The following TRAPPC8 variants were observed in gnomAD, a reference collection of about 807,000 sequenced individuals.
The protein encoded by TRAPPC8 is trafficking protein particle complex subunit 8.
In TRAPPC8, 54 loss-of-function variants were observed where a neutral mutation model predicts 174.3. That is an observed-to-expected ratio of 0.31 (90% CI 0.25 to 0.39). The LOEUF (loss-of-function observed/expected upper bound fraction) is 0.39. TRAPPC8 is among the 10% of genes least tolerant of loss of function. The pLI, the probability that TRAPPC8 is intolerant of heterozygous loss-of-function variation, is 1.00. For missense variants in TRAPPC8, 1,531 were observed against 1,699.1 expected, an observed-to-expected ratio of 0.90 and a Z score of 1.74; for synonymous variants, 630 against 579.9, an observed-to-expected ratio of 1.09 and a Z score of -1.24.
intron 3 of TRAPPC8, 86 bp from the exon 4 acceptor site, chr18:31,916,532 T>G: frequency 7.8e-7 from 1 of 1,286,040 alleles, no homozygotes; most frequent in South Asian, 1.7e-5. Flanking sequence ...GGTTTTTGTT[T>G]GTTTGTTTGT....
chr18:31,856,801 T>C (rs1273134160), intron 20 of TRAPPC8, among the ~76,000 whole-genome samples: 1 of 146,522 alleles, frequency 6.8e-6, no homozygotes, highest in African/African-American at 2.6e-5. Context: ...ATTCAAATGC[T>C]AAAATCTTTT....
At chr18:31,864,865 G>T in intron 18 of TRAPPC8, 84 bp from the exon 19 acceptor site, 4 of 1,193,086 alleles carry the variant, frequency 3.4e-6, no homozygotes, top group Non-Finnish European at 3.4e-6. Context: ...AATATTGTAA[G>T]TTTCAGATTA....
Position 31,891,430 on chromosome 18 carries a change from G to A in TRAPPC8, c.1597-564C>T, listed in dbSNP as rs202105758. 3.5e-3 allele frequency among the ~76,000 whole-genome samples: 531 copies of A among 152,202 alleles called. 2 individuals carry two copies. Among genetic ancestry groups the A allele is most frequent in the Non-Finnish European group, 5.8e-3 (392 of 67,988 alleles). On this transcript the variant is annotated intron_variant, in intron 11 of 28. Transcript: ENST00000283351. ...TGCATTTCATTAAAAAGTTCACAATGCTTCTACTTCAAAGATTTTCTTTTC... is the reference window on the plus strand; with the variant it reads ...TGCATTTCATTAAAAAGTTCACAATACTTCTACTTCAAAGATTTTCTTTTC...
intron 19 of TRAPPC8, among the ~76,000 whole-genome samples, chr18:31,861,314 A>G (rs1394901284): frequency 3.9e-5 from 6 of 152,338 alleles, no homozygotes; most frequent in African/African-American, 9.6e-5. Context: ...AACTGCCTCT[A>G]TAACAAAATT....
chr18:31,940,473 C>CAA (rs1483693701), intron 1 of TRAPPC8, among the ~76,000 whole-genome samples: 1 of 151,756 alleles, frequency 6.6e-6, no homozygotes, highest in Non-Finnish European at 1.5e-5. Flanking sequence ...CTCCAAAAAA[C>CAA]AAAAAACAAA....
intron 1 of TRAPPC8, chr18:31,937,498 G>A (rs1273768818): frequency 1.3e-5 from 2 of 151,670 alleles, no homozygotes; most frequent in African/African-American, 4.8e-5. Flanking sequence ...AGACCAGCCT[G>A]GGCAACAGAG....
rs1301481544 is a variant in TRAPPC8 at position 31,870,967 on chromosome 18, C to A, written c.2216G>T (p.Ser739Ile). ...NFHPTQYCLN[S>I]YSDNSRFPLA... ...TGGAAATCTTGAATTATCTGAGTAACTGTTCAAACAGTATTGTGTGGGATG... is the reference window on the plus strand; with the variant it reads ...TGGAAATCTTGAATTATCTGAGTAAATGTTCAAACAGTATTGTGTGGGATG... The change falls in exon 15 of 29, where the codon AGT becomes ATT. Residue 739 changes from serine to isoleucine, a missense_variant. Ser to Ile is a moderately radical substitution (Grantham distance 142). Transcript: ENST00000283351. 6.3e-7 allele frequency: 1 copy of A among 1,598,248 alleles called. No individual in the cohort carries two copies. Among genetic ancestry groups the A allele is most frequent in the Non-Finnish European group, 8.5e-7 (1 of 1,172,160 alleles).
rs1250520521 is a variant in TRAPPC8, at chr18:31,839,365, A to C, written c.3930T>G (p.Ile1310Met). The change falls in exon 27 of 29, where the codon ATT (isoleucine) becomes ATG (methionine). Residue 1310 changes from isoleucine to methionine, a missense_variant. By Grantham distance (10) the Ile-to-Met change is conservative. Transcript: ENST00000283351. The part of the protein sequence containing the change: ...RPSVEQLSSL[I>M]KTSLHYPESF... Reference sequence around the variant, plus strand: ...ATTCTGGGTAGTGAAGACTCGTTTTAATGAGACTAGAAAGCTGCTCTACTG... The same window carrying C: ...ATTCTGGGTAGTGAAGACTCGTTTTCATGAGACTAGAAAGCTGCTCTACTG... 4 of 1,612,102 alleles carry C rather than the reference A, an allele frequency of 2.5e-6. No individual in the cohort carries two copies.
At chr18:31,833,115 G>A (rs1477065794) in intron 27 of TRAPPC8, among the ~76,000 whole-genome samples, 1 of 152,170 alleles carries the variant, frequency 6.6e-6, no homozygotes, top group Non-Finnish European at 1.5e-5. Context: ...AACTTCTCAT[G>A]TGGCAAGAAG....
At position 31,829,934 on chromosome 18, in the gene TRAPPC8, A is replaced by G. The variant is rs1425273862; in HGVS notation, c.*821T>C. On this transcript the variant is annotated 3_prime_UTR_variant, in exon 29 of 29. Transcript: ENST00000283351. The stretch of plus-strand genomic sequence containing the variant: ...GACTTTCTAATCAACAGATACTAAT[A>G]CGCTATACAGTGAATAGCATGTCTT... 6.6e-6 allele frequency: 1 copy of G among 152,650 alleles called. No homozygotes were observed. The highest frequency in any genetic ancestry group is 1.5e-5 in the Non-Finnish European group (1 of 68,042). 9.5% of individuals were successfully genotyped at this position (152,650 alleles called of 1,614,324 possible).
chr18:31,873,237 T>C (rs1298141757), intron 14 of TRAPPC8, among the ~76,000 whole-genome samples, 193 bp downstream of exon 14: 1 of 152,044 alleles, frequency 6.6e-6, no homozygotes, highest in African/African-American at 2.4e-5. Context: ...CAGGATGGTC[T>C]CGATCTCCTG....
chr18:31,863,301 G>T (rs754835297), intron 19 of TRAPPC8, among the ~76,000 whole-genome samples: 9 of 152,072 alleles, frequency 5.9e-5, no homozygotes, highest in Admixed American at 2.0e-4. Context: ...TTTGCTGAAG[G>T]TTATTTTGTA....
intron 1 of TRAPPC8, among the ~76,000 whole-genome samples, chr18:31,934,074 G>A (rs971667883): frequency 1.1e-4 from 17 of 151,964 alleles, no homozygotes; most frequent in Non-Finnish European, 2.2e-4. Context: ...TGTATTCCCA[G>A]CTATTTGGAA....
chr18:31,913,835 C>A (rs2037018571), intron 4 of TRAPPC8, among the ~76,000 whole-genome samples: 3 of 152,046 alleles, frequency 2.0e-5, no homozygotes, highest in South Asian at 4.1e-4. Flanking sequence ...AAAGAGAGAG[C>A]TCTGGTGGTC....
At chr18:31,920,737 C>T (rs1273007887) in intron 2 of TRAPPC8, among the ~76,000 whole-genome samples, 9 of 151,810 alleles carry the variant, frequency 5.9e-5, no homozygotes, top group Non-Finnish European at 8.8e-5. Flanking sequence ...GTCAGGAGTT[C>T]GAAATCAGCC....
chr18:31,889,021 T>C (rs1347771571), intron 12 of TRAPPC8, among the ~76,000 whole-genome samples: 2 of 152,204 alleles, frequency 1.3e-5, no homozygotes, highest in Non-Finnish European at 2.9e-5. Context: ...GAAGAGACTG[T>C]TCTTGATGAA....
chr18:31,891,008 G>A (rs761913933), intron 11 of TRAPPC8, 142 bp from the exon 12 acceptor site: 1 of 611,358 alleles, frequency 1.6e-6, no homozygotes, highest in Non-Finnish European at 2.4e-6. Context: ...AGATCAAGGG[G>A]AAAACCAATC....
In TRAPPC8 at chr18:31,839,436, A is replaced by G. The variant is rs770833911; in HGVS notation, c.3859T>C (p.Leu1287=). 1.2e-5 allele frequency: 20 copies of G among 1,602,724 alleles called. No homozygotes were observed. The highest frequency in any genetic ancestry group is 5.4e-5 in the African/African-American group (4 of 74,384). Residue 1287 remains leucine, a synonymous_variant, in exon 27 of 29, where the codon TTG becomes CTG. Transcript: ENST00000283351. The part of the protein sequence containing the change: ...QKQEPPEMEL[L]KFFRPENITV... ...ATGTTTTCTGGCCTGAAAAATTTCA[A>G]TAGTTCCATTTCTGGTGGCTCCTGA...
Position 31,866,085 on chromosome 18 carries a change from T to A in TRAPPC8, c.2590+764A>T, listed in dbSNP as rs116928642. Among the ~76,000 whole-genome samples, 145 of 152,188 alleles carry A rather than the reference T, an allele frequency of 9.5e-4. 2 individuals are homozygous for A. In the East Asian group the frequency reaches 0.022, roughly 23 times the overall value. On this transcript the variant is annotated intron_variant, in intron 18 of 28. Transcript: ENST00000283351. ...GTTCCCACTTTCTCAATGTTAATAA[T>A]CAGCTTTTGTAAATGCTAAATTCAT... is the stretch of plus-strand genomic sequence containing the variant.
Sources: allele counts gnomAD v4.1 joint callset (sites outside exome capture counted in the v4.1 genomes callset), GRCh38; gene constraint gnomAD v4.1.1; transcripts MANE v1.5; gene names NCBI Gene and HGNC (gene_info 2026-07-23, HGNC 2026-07-21).